SGCD: variants seen among roughly 807,000 people sequenced by gnomAD.
The protein encoded by SGCD is delta-sarcoglycan.
Under a neutral mutation model 36.6 loss-of-function variants are expected in SGCD, and 18 were observed. The observed-to-expected ratio is 0.49, with a 90% CI of 0.34 to 0.73. The LOEUF (loss-of-function observed/expected upper bound fraction) is 0.73. Ranked by LOEUF, SGCD falls within the 30% of genes least tolerant of loss-of-function variation. SGCD has a pLI of 0.01. For synonymous variants in SGCD, 133 were observed against 130.6 expected, an observed-to-expected ratio of 1.02 and a Z score of -0.12; for missense variants, 387 against 346.7, an observed-to-expected ratio of 1.12 and a Z score of -0.92.
chr5:156,733,902 A>AAGAT (rs1368402376), intron 7 of SGCD, among the ~76,000 whole-genome samples: 2 of 152,058 alleles, frequency 1.3e-5, no homozygotes, highest in African/African-American at 4.8e-5. Flanking sequence ...GGGTCTCTTG[A>AAGAT]AGATAGCATA....
At chr5:155,875,017 G>A (rs1755736257) in intron 1 of SGCD, among the ~76,000 whole-genome samples, 1 of 151,938 alleles carries the variant, frequency 6.6e-6, no homozygotes, top group African/African-American at 2.4e-5. Context: ...AAAAATGGCC[G>A]GCAACAGATG....
rs1055504307 is a variant in SGCD, at chr5:156,029,268, C to A, written c.-281-88610C>A. Among the ~76,000 whole-genome samples the A allele has an allele frequency of 8.5e-5, 13 of 152,272 alleles. No homozygotes were observed. The East Asian group carries it at 2.3e-3, about 27-fold the overall frequency. Reference sequence around the variant, plus strand: ...AAGTAACAAAAAATGGAGTCAAATACACTTTCAGAATCTGTAGTAATAGAG... The same window carrying A: ...AAGTAACAAAAAATGGAGTCAAATAAACTTTCAGAATCTGTAGTAATAGAG... On this transcript the variant is annotated intron_variant, in intron 1 of 9. Coordinates refer to the SGCD transcript ENST00000517913.
chr5:156,043,605 A>AT (rs1210518448), intron 1 of SGCD, among the ~76,000 whole-genome samples: 1 of 151,942 alleles, frequency 6.6e-6, no homozygotes, highest in African/African-American at 2.4e-5. Flanking sequence ...AAAAGCTTTT[A>AT]TTTTGTCACC....
chr5:156,021,419 T>C (rs941578843), intron 1 of SGCD, among the ~76,000 whole-genome samples: 16 of 151,890 alleles, frequency 1.1e-4, no homozygotes, highest in African/African-American at 3.6e-4. Flanking sequence ...ACTTGGGAAG[T>C]TAAGGTGGGA....
At chr5:156,387,056 C>T in intron 3 of SGCD, among the ~76,000 whole-genome samples, 1 of 152,158 alleles carries the variant, frequency 6.6e-6, no homozygotes, top group East Asian at 1.9e-4. Context: ...ACTGGAGAAC[C>T]ATCAAGCATA....
At chr5:155,792,721 G>A in the SGCD span, among the ~76,000 whole-genome samples, 2 of 152,150 alleles carry the variant, frequency 1.3e-5, no homozygotes, top group Non-Finnish European at 2.9e-5. Context: ...TCTCACACCA[G>A]TCAAAATGGC....
At chr5:156,266,285 A>G (rs2127667378) in intron 3 of SGCD, among the ~76,000 whole-genome samples, 1 of 152,346 alleles carries the variant, frequency 6.6e-6, no homozygotes, top group South Asian at 2.1e-4. Context: ...ATATTGGAAT[A>G]ATGCTACAAA....
intron 1 of SGCD, among the ~76,000 whole-genome samples, chr5:155,914,776 A>G (rs1756703293): frequency 1.3e-5 from 2 of 152,198 alleles, no homozygotes; most frequent in African/African-American, 4.8e-5. Context: ...TGTTTCTTAC[A>G]AAAGGTGAAA....
At chr5:155,764,730 T>A in the SGCD span, among the ~76,000 whole-genome samples, 1 of 151,978 alleles carries the variant, frequency 6.6e-6, no homozygotes, top group Non-Finnish European at 1.5e-5. Flanking sequence ...GAAGTGAGTG[T>A]TTTCTGTAAA....
chr5:156,002,238 C>A (rs775816884), intron 1 of SGCD, among the ~76,000 whole-genome samples: 6 of 152,152 alleles, frequency 3.9e-5, no homozygotes, highest in Non-Finnish European at 8.8e-5. Context: ...CACAGACACA[C>A]AAACACACAC....
chr5:156,522,304 G>A (rs1409661225), intron 4 of SGCD, among the ~76,000 whole-genome samples: 1 of 152,028 alleles, frequency 6.6e-6, no homozygotes, highest in African/African-American at 2.4e-5. Context: ...TATCAAACCT[G>A]CACGTTGTGC....
intron 3 of SGCD, among the ~76,000 whole-genome samples, chr5:156,193,466 G>A (rs1032859226): frequency 1.3e-5 from 2 of 152,152 alleles, no homozygotes; most frequent in African/African-American, 4.8e-5. Flanking sequence ...AAAGATGCTT[G>A]CATTTCTCCT....
intron 3 of SGCD, among the ~76,000 whole-genome samples, chr5:156,411,930 A>G (rs953566093): frequency 4.6e-5 from 7 of 152,204 alleles, no homozygotes; most frequent in Non-Finnish European, 1.0e-4. Context: ...TTCCTACCTG[A>G]CAGCCAGAAA....
At chr5:156,071,600 A>G (rs141464147) in intron 1 of SGCD, among the ~76,000 whole-genome samples, 9,893 of 152,154 alleles carry the variant, frequency 0.065, 1,024 homozygotes, top group African/African-American at 0.22. Context: ...AAAAAAATGT[A>G]TATTCTGTTG....
At chr5:155,746,851 T>G in the SGCD span, among the ~76,000 whole-genome samples, 1 of 152,210 alleles carries the variant, frequency 6.6e-6, no homozygotes, top group Non-Finnish European at 1.5e-5. Context: ...TTTGCCCTTC[T>G]TCCCGTTTTA....
chr5:155,959,461 C>T (rs1023022187), intron 1 of SGCD, among the ~76,000 whole-genome samples: 1 of 152,096 alleles, frequency 6.6e-6, no homozygotes, highest in African/African-American at 2.4e-5. Context: ...TGAGTAGTAG[C>T]TTCTCTTTGT....
intron 3 of SGCD, among the ~76,000 whole-genome samples, chr5:156,470,070 G>T (rs1206292547): frequency 6.6e-6 from 1 of 152,164 alleles, no homozygotes; most frequent in African/African-American, 2.4e-5. Flanking sequence ...TCCATGCCAG[G>T]CTAGGTTGCT....
chr5:155,749,634 A>G, the SGCD span, among the ~76,000 whole-genome samples: 1 of 152,208 alleles, frequency 6.6e-6, no homozygotes, highest in Non-Finnish European at 1.5e-5. Context: ...GGGGCAGCCA[A>G]AAAGGGAAGG....
chr5:156,615,926 A>C (rs1762003829), intron 6 of SGCD, among the ~76,000 whole-genome samples: 1 of 152,226 alleles, frequency 6.6e-6, no homozygotes, highest in Non-Finnish European at 1.5e-5. Flanking sequence ...AGAAAAATAT[A>C]GTCTTGGCTT....
Sources: allele counts gnomAD v4.1 joint callset (sites outside exome capture counted in the v4.1 genomes callset), GRCh38; gene constraint gnomAD v4.1.1; transcripts MANE v1.5; gene names NCBI Gene and HGNC (gene_info 2026-07-23, HGNC 2026-07-21).